The following ALLC variants were observed in gnomAD, a reference collection of about 807,000 sequenced individuals.
The protein encoded by ALLC is probable inactive allantoicase.
In ALLC, 40 loss-of-function variants were observed where a neutral mutation model predicts 45.0. The observed-to-expected ratio is 0.89, with a 90% CI of 0.69 to 1.16. ALLC has a LOEUF of 1.16. Among genes scored for constraint, ALLC ranks in the 50% most tolerant of loss-of-function variants. The pLI, the probability that ALLC is intolerant of heterozygous loss-of-function variation, is 0.00. For synonymous variants in ALLC, 176 were observed against 178.1 expected (o/e 0.99, Z 0.09); for missense variants, 488 against 493.1 (o/e 0.99, Z 0.10).
chr2:3,654,292 G>A (rs1000586849), upstream of ALLC, among the ~76,000 whole-genome samples: 2 of 152,260 alleles, frequency 1.3e-5, no homozygotes, highest in African/African-American at 4.8e-5. Context: ...AGCGTGAGGA[G>A]AGGCGGTGGA....
chr2:3,696,156 G>A, intron 8 of ALLC, 119 bp from the exon 9 acceptor site: 4 of 864,258 alleles, frequency 4.6e-6, no homozygotes, highest in Non-Finnish European at 7.0e-6. Flanking sequence ...TAACTTTAAT[G>A]AAAATAACTT....
chr2:3,656,458 G>A (rs1480039572), upstream of ALLC, among the ~76,000 whole-genome samples: 2 of 152,232 alleles, frequency 1.3e-5, no homozygotes, highest in East Asian at 1.9e-4. Context: ...CGCCTCTGCC[G>A]CATGTGGCTG....
intron 2 of ALLC, 22 bp from the exon 3 acceptor site, chr2:3,674,053 C>CTG: frequency 6.7e-7 from 1 of 1,498,472 alleles, no homozygotes; most frequent in Non-Finnish European, 9.1e-7. Flanking sequence ...CTTTATCTTT[C>CTG]TTTCTTTCTT....
chr2:3,660,903 G>A (rs1185585375), intron 1 of ALLC, among the ~76,000 whole-genome samples: 1 of 152,090 alleles, frequency 6.6e-6, no homozygotes, highest in Non-Finnish European at 1.5e-5. Flanking sequence ...TGGAGCAGGT[G>A]ATCAAAAAAG....
Position 3,680,076 on chromosome 2 carries a change from A to G in ALLC, c.298+82A>G. ...GCCAGCCACAGCCCCACAACTGCTC[A>G]CTTTCCCTACCACCCAGACAGCTTC... On this transcript the variant is annotated intron_variant, in intron 5 of 11. Coordinates refer to ENST00000252505, the MANE Select transcript of ALLC (RefSeq NM_018436.4). This position sits in a 1 kb window ranked among gnomAD's most constrained non-coding sequence, Gnocchi z 4.0. The G allele has an allele frequency of 6.3e-7, 1 of 1,579,676 alleles. No homozygotes were observed. The highest frequency in any genetic ancestry group is 1.1e-5 in the South Asian group (1 of 87,704).
chr2:3,647,154 G>T, the ALLC span, among the ~76,000 whole-genome samples: 1 of 152,156 alleles, frequency 6.6e-6, no homozygotes, highest in Non-Finnish European at 1.5e-5. Flanking sequence ...GGGGTTGCGC[G>T]TGTGATGACA....
upstream of ALLC, among the ~76,000 whole-genome samples, chr2:3,655,894 C>T (rs1666427232): frequency 6.6e-6 from 1 of 152,202 alleles, no homozygotes; most frequent in Non-Finnish European, 1.5e-5. Flanking sequence ...TCTGCTGGAG[C>T]CCCTAAGCGC....
chr2:3,652,580 A>G, the ALLC span, among the ~76,000 whole-genome samples: 2 of 93,328 alleles, frequency 2.1e-5, no homozygotes, highest in African/African-American at 3.7e-5. Context: ...AAACTTTGTG[A>G]TTTTTTTTTT....
intron 1 of ALLC, among the ~76,000 whole-genome samples, chr2:3,668,701 A>G (rs1666790611): frequency 6.8e-6 from 1 of 146,778 alleles, no homozygotes; most frequent in Non-Finnish European, 1.5e-5. Flanking sequence ...TCAGCGTCCC[A>G]AGTAGCTGGG....
the ALLC span, among the ~76,000 whole-genome samples, chr2:3,651,440 T>TGA: frequency 7.2e-5 from 4 of 55,488 alleles, 1 homozygote; most frequent in Admixed American, 4.9e-4. Context: ...TGTGTGTGTG[T>TGA]GTTAGGAAGG....
At chr2:3,692,678 T>C (rs931831705) in intron 7 of ALLC, among the ~76,000 whole-genome samples, 1 of 152,198 alleles carries the variant, frequency 6.6e-6, no homozygotes, top group African/African-American at 2.4e-5. Flanking sequence ...GCTAGGTGTT[T>C]GTCTCTAGGG....
chr2:3,665,117 G>A (rs373592201), intron 1 of ALLC, among the ~76,000 whole-genome samples: 1 of 152,114 alleles, frequency 6.6e-6, no homozygotes, highest in East Asian at 1.9e-4. Flanking sequence ...TTGACCTCGG[G>A]TGGTGCCTGT....
chr2:3,697,356 G>A lies in ALLC; in HGVS notation c.750G>A (p.Glu250=). Reference sequence around the variant, plus strand: ...TCTCTTCTGAATTCCAGAATGATGAGAATGGCATTCTCTTGGTTCCGGGTT... The same window carrying A: ...TCTCTTCTGAATTCCAGAATGATGAAAATGGCATTCTCTTGGTTCCGGGTT... ...LDRPPILEND[E]NGILLVPGCE... is the part of the protein sequence containing the mutation. The change falls in exon 10 of 12, where the codon GAG becomes GAA. Residue 250 remains glutamate (E), a synonymous_variant. Transcript: ENST00000252505. 2 of 1,613,556 alleles carry A rather than the reference G, an allele frequency of 1.2e-6. No homozygotes were observed. The highest frequency in any genetic ancestry group is 1.6e-4 in the Middle Eastern group (1 of 6,062).
Position 3,682,928 on chromosome 2 carries a change from A to G in ALLC, c.379-14A>G, listed in dbSNP as rs139677162. On this transcript the variant is annotated splice_polypyrimidine_tract_variant and intron_variant, in intron 6 of 11. Transcript: ENST00000252505. ...TTCAAGAGCAATTGCTGACATTTCT[A>G]TATTTATTGCTAGCTAAAATCCGAC... is the stretch of plus-strand genomic sequence containing the variant. 6.7e-5 allele frequency: 108 copies of G among 1,612,262 alleles called. No homozygotes were observed. Among genetic ancestry groups the G allele is most frequent in the Non-Finnish European group, 8.9e-5 (105 of 1,179,414 alleles).
intron 7 of ALLC, among the ~76,000 whole-genome samples, chr2:3,692,729 C>T (rs902849619): frequency 6.6e-6 from 1 of 152,164 alleles, no homozygotes; most frequent in Non-Finnish European, 1.5e-5. Flanking sequence ...TGTTGCTGAA[C>T]AGCAACTCTG....
At position 3,671,236 on chromosome 2, in the gene ALLC, C is replaced by G. The variant is rs773732874; in HGVS notation, c.33+46C>G. 6.9e-6 allele frequency: 11 copies of G among 1,589,786 alleles called. No homozygotes were observed. The African/African-American group carries it at 1.3e-4, about 19-fold the overall frequency. The stretch of plus-strand genomic sequence containing the variant: ...CAAACAAGGGTTGAAGGCATCCGTG[C>G]TAAGGGCACAACTCACCAGTGCAGA... On this transcript the variant is annotated intron_variant, in intron 2 of 11. Transcript: ENST00000252505.
At chr2:3,672,548 TCTGGTTCTGGTTAGATGGGAGGTCCC>T in intron 2 of ALLC, among the ~76,000 whole-genome samples, 2 of 98,070 alleles carry the variant, frequency 2.0e-5, no homozygotes, top group African/African-American at 9.2e-5. Flanking sequence ...TAGGAGGTCC[TCTGGTTCTGGTTAGATGGGAGGTCCC>T]CTGGCTCTGG....
At chr2:3,647,668 T>TCCTCTCCTGATGCCCCTGGGG in the ALLC span, among the ~76,000 whole-genome samples, 2 of 152,064 alleles carry the variant, frequency 1.3e-5, no homozygotes, top group African/African-American at 4.8e-5. Flanking sequence ...CGCTCACCCG[T>TCCTCTCCTGATGCCCCTGGGG]CCTCTCCTGA....
At chr2:3,666,283 A>C (rs933681042) in intron 1 of ALLC, among the ~76,000 whole-genome samples, 3 of 152,216 alleles carry the variant, frequency 2.0e-5, no homozygotes, top group African/African-American at 7.2e-5. Flanking sequence ...CTGATGGGGA[A>C]AAAGTTAAGC....
Sources: allele counts gnomAD v4.1 joint callset (sites outside exome capture counted in the v4.1 genomes callset), GRCh38; gene constraint gnomAD v4.1.1; non-coding constraint Gnocchi (gnomAD v3.1); transcripts MANE v1.5; gene names NCBI Gene and HGNC (gene_info 2026-07-23, HGNC 2026-07-21).